Variants in MLYCD observed in about 807,000 individuals in gnomAD.
The protein encoded by MLYCD is malonyl-CoA decarboxylase, mitochondrial.
MLYCD carries 27 observed loss-of-function variants against 35.8 expected under a neutral mutation model. The ratio of observed to expected loss-of-function variants is 0.75; its 90% CI spans 0.56 to 1.04. MLYCD has a LOEUF of 1.04. Ranked by LOEUF, MLYCD falls within the 50% of genes least tolerant of loss-of-function variation. MLYCD has a pLI of 0.00. For missense variants in MLYCD, 917 were observed against 665.1 expected (o/e 1.38, Z -4.17); for synonymous variants, 403 against 302.4 (o/e 1.33, Z -3.45).
At chr16:83,902,164 T>G (rs1024996780) in intron 1 of MLYCD, among the ~76,000 whole-genome samples, 14 of 115,172 alleles carry the variant, frequency 1.2e-4, no homozygotes, top group African/African-American at 5.4e-4. Flanking sequence ...CGTATATATA[T>G]ATATATATAT....
Position 83,900,328 on chromosome 16 carries a change from A to C in MLYCD, c.528+656A>C, listed in dbSNP as rs752450527. 6.5e-4 allele frequency among the ~76,000 whole-genome samples: 99 copies of C among 152,238 alleles called. 1 individual carries two copies. Among genetic ancestry groups the C allele is most frequent in the Non-Finnish European group, 2.9e-4 (20 of 68,042 alleles). ...GTTCATTCATGTTAAATGCAGACAC[A>C]TACTTTGAGATTTAAATGATTATGA... On this transcript the variant is annotated intron_variant, in intron 1 of 4. Coordinates refer to ENST00000262430, the MANE Select transcript of MLYCD (RefSeq NM_012213.3).
intron 1 of MLYCD, 70 bp downstream of exon 1, chr16:83,899,742 C>A: frequency 1.4e-6 from 2 of 1,425,070 alleles, no homozygotes; most frequent in Non-Finnish European, 1.8e-6. Context: ...TCACTTGCCC[C>A]CTCCAAGTCC....
At position 83,915,643 on chromosome 16, in the gene MLYCD, C is replaced by G; in HGVS notation, c.*154C>G. The G allele has an allele frequency of 6.6e-7, 1 of 1,513,312 alleles. No homozygotes were observed. Among genetic ancestry groups the G allele is most frequent in the Non-Finnish European group, 8.8e-7 (1 of 1,134,452 alleles). The allele number at this position is 1,513,312 out of a possible 1,614,324, so 93.7% of individuals were successfully genotyped here. ...CGGTCCACACTGTGAGGCCAGGCCTCAACTTCCCTCACCCTGGGCGTGACA... is the reference window on the plus strand; with the variant it reads ...CGGTCCACACTGTGAGGCCAGGCCTGAACTTCCCTCACCCTGGGCGTGACA... On this transcript the variant is annotated 3_prime_UTR_variant, in exon 5 of 5. Coordinates refer to ENST00000262430, the MANE Select transcript of MLYCD (RefSeq NM_012213.3).
At position 83,915,241 on chromosome 16, in the gene MLYCD, C is replaced by T. The variant is rs1292357613; in HGVS notation, c.1234C>T (p.Arg412Cys). The T allele has an allele frequency of 2.5e-6, 4 of 1,612,782 alleles. No homozygotes were observed. Among genetic ancestry groups the T allele is most frequent in the East Asian group, 2.2e-5 (1 of 44,878 alleles). ...CAWYLYGEKHRGYALNPVANF... is the reference protein window; with the variant it reads ...CAWYLYGEKHCGYALNPVANF... ...CTGGTACCTGTATGGAGAGAAGCAC[C>T]GCGGCTACGCGCTGAACCCCGTGGC... is the stretch of plus-strand genomic sequence containing the variant. The change falls in exon 5 of 5, where the codon CGC (arginine) becomes TGC (cysteine). Residue 412 changes from arginine (R) to cysteine (C), a missense_variant. Transcript: ENST00000262430.
At chr16:83,912,028 C>T (rs1907196566) in intron 3 of MLYCD, 190 bp from the exon 4 acceptor site, 6 of 738,118 alleles carry the variant, frequency 8.1e-6, no homozygotes, top group South Asian at 5.0e-5. Context: ...GCGGTGGAGT[C>T]GCCTCCTCCA....
chr16:83,908,308 A>G (rs760785897), intron 3 of MLYCD, 26 bp downstream of exon 3: 2 of 1,613,092 alleles, frequency 1.2e-6, no homozygotes, highest in Admixed American at 3.3e-5. Flanking sequence ...AATTCGGGAC[A>G]AGATGGGCAC....
intron 4 of MLYCD, chr16:83,914,349 C>G: frequency 5.8e-6 from 1 of 172,676 alleles, no homozygotes; most frequent in East Asian, 1.5e-4. Flanking sequence ...ACTCACCAGT[C>G]CCTGGCCACT....
Position 83,926,859 on chromosome 16 carries a change from A to C in MLYCD, c.*11370A>C, listed in dbSNP as rs1425507940. On this transcript the variant is annotated 3_prime_UTR_variant, in exon 5 of 5. Transcript: ENST00000262430. ...CGAGATGGCGGTGTTGCGCCCCTCC[A>C]GCCTCCTCTGCTCTGCGCTTGGGCG... 5.3e-5 allele frequency: 8 copies of C among 152,156 alleles called. No individual in the cohort carries two copies. Among genetic ancestry groups the C allele is most frequent in the Admixed American group, 1.3e-4 (2 of 15,278 alleles). 9.4% of individuals were successfully genotyped at this position (152,156 alleles called of 1,614,324 possible).
chr16:83,899,673 G>C lies in MLYCD; in HGVS notation c.528+1G>C. On this transcript the variant is annotated splice_donor_variant, in intron 1 of 4. Transcript: ENST00000262430. LOFTEE classifies it high-confidence loss of function. ...GCTGGTGGAGGGGCCGGACGTCCGG[G>C]TAAGGGGCCGCCGTCGATCCCCCGG... 1 of 1,518,592 alleles carries C rather than the reference G, an allele frequency of 6.6e-7. No individual in the cohort carries two copies. The highest frequency in any genetic ancestry group is 8.8e-7 in the Non-Finnish European group (1 of 1,139,236). The allele number at this position is 1,518,592 out of a possible 1,614,324, so 94.1% of individuals were successfully genotyped here. A position where few individuals can be genotyped will look rare whatever the true frequency, so the allele number is the denominator to read the frequency against.
chr16:83,910,197 T>C (rs1489355268), intron 3 of MLYCD, among the ~76,000 whole-genome samples: 1 of 150,472 alleles, frequency 6.6e-6, no homozygotes, highest in Non-Finnish European at 1.5e-5. Flanking sequence ...ATTGGTTATT[T>C]TTTTTTATGC....
In MLYCD at chr16:83,915,311, G is replaced by T; in HGVS notation, c.1304G>T (p.Trp435Leu). The change falls in exon 5 of 5, where the codon TGG becomes TTG. Residue 435 changes from tryptophan to leucine, a missense_variant. Transcript: ENST00000262430. ...GGGGCGGTGCTGTGGCGCATCAACT[G>T]GATGGCGGATGTGAGCCTCAGAGGC... is the stretch of plus-strand genomic sequence containing the variant. ...QNGAVLWRINWMADVSLRGIT... is the reference protein window; with the variant it reads ...QNGAVLWRINLMADVSLRGIT... 2 of 1,613,870 alleles carry T rather than the reference G, an allele frequency of 1.2e-6. No individual in the cohort carries two copies. The highest frequency in any genetic ancestry group is 1.7e-6 in the Non-Finnish European group (2 of 1,179,914).
chr16:83,915,494 A>G lies in MLYCD; in HGVS notation c.*5A>G. 1 of 1,609,926 alleles carries G rather than the reference A, an allele frequency of 6.2e-7. No individual in the cohort carries two copies. The highest frequency in any genetic ancestry group is 2.2e-5 in the East Asian group (1 of 44,880). On this transcript the variant is annotated 3_prime_UTR_variant, in exon 5 of 5. Transcript: ENST00000262430. ...CAAAAGAACAGCAAGCTCTGACAGT[A>G]AACCTCTCCTAAAGCACAGGGCCCC... is the stretch of plus-strand genomic sequence containing the variant.
At position 83,915,162 on chromosome 16, in the gene MLYCD, G is replaced by A; in HGVS notation, c.1155G>A (p.Val385=). Residue 385 remains valine (V), a synonymous_variant, in exon 5 of 5, where the codon GTG becomes GTA. Transcript: ENST00000262430. The part of the protein sequence containing the change: ...LKLLLSSSEW[V]QSEKLVRALQ... ...TCCTCCTCAGCAGCAGCGAGTGGGT[G>A]CAGTCGGAGAAGCTGGTGCGGGCGC... is the stretch of plus-strand genomic sequence containing the variant. The A allele has an allele frequency of 3.7e-6, 6 of 1,614,206 alleles. No homozygotes were observed. Among genetic ancestry groups the A allele is most frequent in the South Asian group, 1.1e-5 (1 of 91,090 alleles).
In MLYCD at chr16:83,915,342, C is replaced by T. The variant is rs373675093; in HGVS notation, c.1335C>T (p.Thr445=). 7.0e-5 allele frequency: 113 copies of T among 1,613,750 alleles called. 1 individual carries two copies. The highest frequency in any genetic ancestry group is 8.2e-5 in the Non-Finnish European group (97 of 1,180,034). The change falls in exon 5 of 5, where the codon ACC becomes ACT. Residue 445 remains threonine, a synonymous_variant. Coordinates refer to ENST00000262430, the MANE Select transcript of MLYCD (RefSeq NM_012213.3). ...WMADVSLRGI[T]GSCGLMANYR... ...CGGATGTGAGCCTCAGAGGCATCACCGGCTCCTGCGGCCTGATGGCCAACT... is the reference window on the plus strand; with the variant it reads ...CGGATGTGAGCCTCAGAGGCATCACTGGCTCCTGCGGCCTGATGGCCAACT...
At chr16:83,905,307 A>T (rs1342428982) in intron 1 of MLYCD, among the ~76,000 whole-genome samples, 17 of 152,124 alleles carry the variant, frequency 1.1e-4, no homozygotes, top group Non-Finnish European at 2.5e-4. Context: ...TTGTAGAGAG[A>T]TTCAGAAGGT....
chr16:83,909,707 C>G lies in MLYCD; in HGVS notation c.798+1425C>G, dbSNP rs1021584968. ...TGCTGTCTCGGCTCACTGCAACCTC[C>G]AACTCCCGGGTACAAGCAATTCTCC... On this transcript the variant is annotated intron_variant, in intron 3 of 4. Transcript: ENST00000262430. Among the ~76,000 whole-genome samples the G allele has an allele frequency of 4.1e-4, 62 of 151,266 alleles. 1 individual carries two copies. The highest frequency in any genetic ancestry group is 3.8e-3 in the South Asian group (18 of 4,768).
chr16:83,903,785 A>C (rs1597288738), intron 1 of MLYCD, among the ~76,000 whole-genome samples: 1 of 151,950 alleles, frequency 6.6e-6, no homozygotes, highest in Non-Finnish European at 1.5e-5. Context: ...AATAAGAAAC[A>C]CTCCAGCAGA....
At chr16:83,906,091 A>T (rs1906964132) in intron 1 of MLYCD, among the ~76,000 whole-genome samples, 1 of 152,232 alleles carries the variant, frequency 6.6e-6, no homozygotes. Flanking sequence ...TAGGTTAAAA[A>T]TGCTGCCAGT....
chr16:83,907,043 G>T lies in MLYCD; in HGVS notation c.585G>T (p.Leu195=), dbSNP rs758555064. ...CAGAATGGTTTTCCTCCGGGTTCCT[G>T]AACCTAGAACGGGTTACCTGGCATT... ...MLSEWFSSGF[L]NLERVTWHSP... Residue 195 remains leucine, a synonymous_variant, in exon 2 of 5, where the codon CTG becomes CTT. Transcript: ENST00000262430. 5 of 1,614,234 alleles carry T rather than the reference G, an allele frequency of 3.1e-6. No individual in the cohort carries two copies. In the South Asian group the frequency reaches 4.4e-5, roughly 14 times the overall value.
Sources: gnomAD v4.1 joint callset for allele counts (sites outside exome capture counted in the v4.1 genomes callset) on GRCh38, gnomAD v4.1.1 for gene constraint, MANE v1.5 for transcripts, NCBI Gene and HGNC (gene_info 2026-07-23, HGNC 2026-07-21) for gene names.